Variants in FAM47E observed in about 807,000 individuals in gnomAD.
FAM47E encodes the protein protein FAM47E.
FAM47E carries 32 observed loss-of-function variants against 41.6 expected under a neutral mutation model. That is an observed-to-expected ratio of 0.77 (90% CI 0.58 to 1.03). FAM47E has a LOEUF of 1.03. Ranked by LOEUF, FAM47E falls within the 50% of genes least tolerant of loss-of-function variation. The pLI is 0.00. For missense variants in FAM47E, 424 were observed against 485.4 expected, an observed-to-expected ratio of 0.87 and a Z score of 1.19; for synonymous variants, 184 against 188.7, an observed-to-expected ratio of 0.98 and a Z score of 0.20.
chr4:76,245,332 A>C (rs943530437), intron 2 of FAM47E, among the ~76,000 whole-genome samples: 2 of 152,168 alleles, frequency 1.3e-5, no homozygotes, highest in African/African-American at 4.8e-5. Context: ...GGTAATCTAG[A>C]GACTGGCAAT....
At chr4:76,260,626 C>CA (rs940943832) in intron 2 of FAM47E, among the ~76,000 whole-genome samples, 15 of 151,976 alleles carry the variant, frequency 9.9e-5, no homozygotes, top group African/African-American at 2.9e-4. Flanking sequence ...AGAAAACCTA[C>CA]AAAAAAACTC....
rs1005922854 is a variant in FAM47E at position 76,224,717 on chromosome 4, T to C, written c.81+7029T>C. Among the ~76,000 whole-genome samples, 3 of 152,132 alleles carry C rather than the reference T, an allele frequency of 2.0e-5. No individual in the cohort carries two copies. The East Asian group carries it at 5.8e-4, about 29-fold the overall frequency. ...AACTGGGACTACAGATGCAAGCCAC[T>C]AGGCCCAGCTAATTTTTGTTATTTT... On this transcript the variant is annotated intron_variant, in intron 2 of 7. Coordinates refer to the FAM47E transcript ENST00000510197.
intron 7 of FAM47E, chr4:76,282,914 C>T (rs1735417325): frequency 6.5e-6 from 1 of 154,766 alleles, no homozygotes; most frequent in Admixed American, 6.3e-5. Flanking sequence ...TGTGTATACA[C>T]AGTTATTATT....
At chr4:76,228,513 G>A (rs1294194496) in intron 2 of FAM47E, among the ~76,000 whole-genome samples, 1 of 151,494 alleles carries the variant, frequency 6.6e-6, no homozygotes, top group African/African-American at 2.4e-5. Context: ...AAAAAATTTA[G>A]AATTCCTTTT....
chr4:76,219,625 G>C (rs1016857916), intron 2 of FAM47E, among the ~76,000 whole-genome samples: 8 of 152,164 alleles, frequency 5.3e-5, no homozygotes, highest in Non-Finnish European at 1.0e-4. Context: ...GGGGAGAAAG[G>C]GGGGATGGAG....
intron 5 of FAM47E, among the ~76,000 whole-genome samples, chr4:76,277,135 G>A (rs538594792): frequency 3.9e-5 from 6 of 152,202 alleles, no homozygotes; most frequent in South Asian, 2.1e-4. Flanking sequence ...CTGAGGAATC[G>A]GGGAAAGAAG....
At chr4:76,267,573 T>C (rs1560748337) in intron 3 of FAM47E, 1 of 152,226 alleles carries the variant, frequency 6.6e-6, no homozygotes, top group Non-Finnish European at 1.5e-5. Context: ...CACAAAAGCT[T>C]GTTCATGAAT....
chr4:76,234,439 T>C (rs553278286), intron 2 of FAM47E: 4 of 152,324 alleles, frequency 2.6e-5, no homozygotes, highest in African/African-American at 9.6e-5. Flanking sequence ...AGAATTGTAC[T>C]GGGTGAAAAG....
chr4:76,269,624 A>G (rs1019387780), intron 4 of FAM47E: 5 of 150,738 alleles, frequency 3.3e-5, no homozygotes, highest in African/African-American at 1.2e-4. Flanking sequence ...TTAAAAAAAT[A>G]TAAATAAATA....
At chr4:76,270,460 G>A (rs1734837901) in intron 4 of FAM47E, among the ~76,000 whole-genome samples, 1 of 152,192 alleles carries the variant, frequency 6.6e-6, no homozygotes, top group Non-Finnish European at 1.5e-5. Context: ...CTGCAACAGA[G>A]TGAGAGTGAC....
intron 2 of FAM47E, among the ~76,000 whole-genome samples, chr4:76,240,127 CAAAG>C (rs1733676663): frequency 1.3e-5 from 2 of 152,266 alleles, no homozygotes; most frequent in African/African-American, 4.8e-5. Flanking sequence ...AGTTTTGAAA[CAAAG>C]AAGTGTGAAT....
intron 2 of FAM47E, among the ~76,000 whole-genome samples, chr4:76,226,904 A>G (rs535049800): frequency 6.6e-6 from 1 of 152,120 alleles, no homozygotes; most frequent in Non-Finnish European, 1.5e-5. Flanking sequence ...GCTTTTTTGA[A>G]TCTTCTCTCT....
intron 2 of FAM47E, among the ~76,000 whole-genome samples, chr4:76,243,009 G>A (rs1373665898): frequency 6.6e-6 from 1 of 152,122 alleles, no homozygotes; most frequent in Non-Finnish European, 1.5e-5. Context: ...AAGGAGAAAC[G>A]CTGAGATGTA....
intron 2 of FAM47E, among the ~76,000 whole-genome samples, chr4:76,218,400 A>G (rs754809821): frequency 3.9e-5 from 6 of 152,206 alleles, no homozygotes; most frequent in Admixed American, 2.6e-4. Context: ...ATAGGCTTAC[A>G]TATCCCAGAG....
At chr4:76,234,079 G>T (rs947740759) in intron 2 of FAM47E, among the ~76,000 whole-genome samples, 1 of 152,232 alleles carries the variant, frequency 6.6e-6, no homozygotes, top group Non-Finnish European at 1.5e-5. Context: ...GAAAACACCA[G>T]CCAGCTGCCC....
At chr4:76,240,587 C>A (rs1733689115) in intron 2 of FAM47E, among the ~76,000 whole-genome samples, 1 of 151,874 alleles carries the variant, frequency 6.6e-6, no homozygotes, top group Non-Finnish European at 1.5e-5. Flanking sequence ...CAATTTTTTT[C>A]TTTATATTCC....
intron 1 of FAM47E, among the ~76,000 whole-genome samples, 173 bp downstream of exon 1, chr4:76,251,993 C>T (rs1733986246): frequency 6.6e-6 from 1 of 152,126 alleles, no homozygotes; most frequent in South Asian, 2.1e-4. Flanking sequence ...CTTGGCGCTG[C>T]TCTTTGCAAA....
intron 2 of FAM47E, among the ~76,000 whole-genome samples, chr4:76,244,755 G>C (rs1187976525): frequency 6.6e-6 from 1 of 152,066 alleles, no homozygotes; most frequent in South Asian, 2.1e-4. Context: ...GGCCAGGCTG[G>C]TCTTGAACTC....
chr4:76,278,341 C>T (rs1312523952), intron 6 of FAM47E, 117 bp downstream of exon 6: 16 of 1,127,338 alleles, frequency 1.4e-5, no homozygotes, highest in Non-Finnish European at 1.8e-5. Flanking sequence ...AAGCCCTCCA[C>T]CTTGCATATT....
Sources: gnomAD v4.1 joint callset for allele counts (sites outside exome capture counted in the v4.1 genomes callset) on GRCh38, gnomAD v4.1.1 for gene constraint, MANE v1.5 for transcripts, NCBI Gene and HGNC (gene_info 2026-07-23, HGNC 2026-07-21) for gene names.